SAMD5: variants seen among roughly 807,000 people sequenced by gnomAD.
SAMD5 encodes sterile alpha motif domain-containing protein 5.
Under a neutral mutation model 11.3 loss-of-function variants are expected in SAMD5, and 13 were observed. That is an observed-to-expected ratio of 1.15 (90% CI 0.75 to 1.83). SAMD5 has a LOEUF of 1.83. Among genes scored for constraint, SAMD5 ranks in the 40% most tolerant of loss-of-function variants. The pLI is 0.00. For missense variants in SAMD5, 255 were observed against 239.1 expected (o/e 1.07, Z -0.44); for synonymous variants, 129 against 111.3 (o/e 1.16, Z -1.00).
chr6:147,630,521 C>T (rs1721266624), intron 1 of SAMD5, among the ~76,000 whole-genome samples: 1 of 152,122 alleles, frequency 6.6e-6, no homozygotes, highest in Admixed American at 6.6e-5. Flanking sequence ...CATCCTGACT[C>T]AAAAGCTCCC....
intron 1 of SAMD5, among the ~76,000 whole-genome samples, chr6:147,527,112 T>C (rs1270694759): frequency 1.3e-5 from 2 of 152,238 alleles, no homozygotes; most frequent in African/African-American, 2.4e-5. Context: ...GCTTCAGTGA[T>C]AATCAGTTCA....
intron 1 of SAMD5, among the ~76,000 whole-genome samples, chr6:147,630,239 G>T (rs574796628): frequency 6.6e-6 from 1 of 152,150 alleles, no homozygotes; most frequent in East Asian, 1.9e-4. Flanking sequence ...GTAAGCCACC[G>T]CACCCAGCCA....
At chr6:147,728,508 T>G (rs1218538109) in intron 1 of SAMD5, among the ~76,000 whole-genome samples, 1 of 152,214 alleles carries the variant, frequency 6.6e-6, no homozygotes, top group Non-Finnish European at 1.5e-5. Context: ...CCAAAGGGAT[T>G]AGACCTGAGT....
chr6:147,655,022 G>A (rs1163031011), intron 1 of SAMD5, among the ~76,000 whole-genome samples: 1 of 151,876 alleles, frequency 6.6e-6, no homozygotes, highest in East Asian at 1.9e-4. Flanking sequence ...CATCATCAAG[G>A]CACCTAGCAA....
chr6:147,771,754 G>A, the SAMD5 span, among the ~76,000 whole-genome samples: 1 of 152,120 alleles, frequency 6.6e-6, no homozygotes, highest in East Asian at 1.9e-4. Context: ...TTCATCCTGT[G>A]TTCATCAAAA....
the SAMD5 span, among the ~76,000 whole-genome samples, chr6:147,903,600 A>G: frequency 1.3e-5 from 2 of 152,102 alleles, no homozygotes; most frequent in Non-Finnish European, 2.9e-5. Flanking sequence ...TAAACATTAG[A>G]TTTATTTTTT....
chr6:147,834,876 C>T, the SAMD5 span, among the ~76,000 whole-genome samples: 3 of 152,128 alleles, frequency 2.0e-5, no homozygotes, highest in African/African-American at 7.2e-5. Flanking sequence ...CTAATTTGGA[C>T]TCCATAAGTA....
At chr6:147,512,530 T>C (rs1788106338) in intron 1 of SAMD5, among the ~76,000 whole-genome samples, 1 of 152,164 alleles carries the variant, frequency 6.6e-6, no homozygotes, top group Non-Finnish European at 1.5e-5. Flanking sequence ...TAGGGATCAG[T>C]GAGTTAAAAC....
chr6:147,752,657 CTAAT>C, the SAMD5 span, among the ~76,000 whole-genome samples: 1 of 152,118 alleles, frequency 6.6e-6, no homozygotes, highest in Non-Finnish European at 1.5e-5. Context: ...ATAATAGCCT[CTAAT>C]TATGTCATAT....
chr6:147,577,729 T>A (rs1789236724), intron 1 of SAMD5, among the ~76,000 whole-genome samples: 1 of 152,138 alleles, frequency 6.6e-6, no homozygotes, highest in Non-Finnish European at 1.5e-5. Flanking sequence ...AATCTATCCT[T>A]ACACTTAAAA....
intron 1 of SAMD5, among the ~76,000 whole-genome samples, chr6:147,712,827 G>A (rs1245873740): frequency 1.3e-5 from 2 of 151,522 alleles, no homozygotes; most frequent in African/African-American, 4.9e-5. Flanking sequence ...AAAAAAGTCT[G>A]TTGTTTAAGC....
At chr6:147,537,769 A>G (rs1271600737) in intron 1 of SAMD5, among the ~76,000 whole-genome samples, 5 of 146,868 alleles carry the variant, frequency 3.4e-5, no homozygotes, top group African/African-American at 1.3e-4. Context: ...AAAAAAAAAA[A>G]GAGAAAACCT....
the SAMD5 span, among the ~76,000 whole-genome samples, chr6:147,924,129 A>T: frequency 6.6e-6 from 1 of 151,812 alleles, no homozygotes; most frequent in Non-Finnish European, 1.5e-5. Flanking sequence ...ATATATGGGG[A>T]TGGGGTGGGG....
In SAMD5 at chr6:147,508,914, G is replaced by C; in HGVS notation, c.-15G>C. The C allele has an allele frequency of 6.3e-7, 1 of 1,586,090 alleles. No individual in the cohort carries two copies. The highest frequency in any genetic ancestry group is 1.4e-5 in the African/African-American group (1 of 72,992). ...CGCTGGGAAGGTGCTCGGCGGCGGG[G>C]TTCCCGGTCCCACCATGTGCACCAA... On this transcript the variant is annotated 5_prime_UTR_variant, in exon 1 of 2. Coordinates refer to ENST00000367474, the MANE Select transcript of SAMD5 (RefSeq NM_001030060.3).
chr6:147,705,733 T>G (rs1185693081), intron 1 of SAMD5, among the ~76,000 whole-genome samples: 1 of 152,248 alleles, frequency 6.6e-6, no homozygotes, highest in Non-Finnish European at 1.5e-5. Flanking sequence ...TGCCTAGGTT[T>G]TGACATAGAG....
intron 1 of SAMD5, among the ~76,000 whole-genome samples, chr6:147,633,693 CT>C (rs201030758): frequency 0.18 from 25,419 of 139,182 alleles, 2,085 homozygotes; most frequent in Middle Eastern, 0.22. Context: ...TCAGATAATG[CT>C]TTTTTTTTTT....
the SAMD5 span, among the ~76,000 whole-genome samples, chr6:147,927,930 G>A: frequency 2.0e-5 from 3 of 152,040 alleles, no homozygotes; most frequent in East Asian, 5.8e-4. Flanking sequence ...TAATTGTGTG[G>A]TTTTTGTCTT....
At chr6:147,540,915 G>T in intron 1 of SAMD5, among the ~76,000 whole-genome samples, 1 of 146,418 alleles carries the variant, frequency 6.8e-6, no homozygotes, top group African/African-American at 2.5e-5. Context: ...CACCATAGCT[G>T]TGGGGTTCAA....
downstream of SAMD5, among the ~76,000 whole-genome samples, chr6:147,571,197 G>C (rs1789133441): frequency 6.6e-6 from 1 of 152,160 alleles, no homozygotes; most frequent in Admixed American, 6.5e-5. Flanking sequence ...ATTTAGAAAA[G>C]TTCACGATAC....
Sources: gnomAD v4.1 joint callset for allele counts (sites outside exome capture counted in the v4.1 genomes callset) on GRCh38, gnomAD v4.1.1 for gene constraint, MANE v1.5 for transcripts, NCBI Gene and HGNC (gene_info 2026-07-23, HGNC 2026-07-21) for gene names.